The following EPHA6 variants were observed in gnomAD, a reference collection of about 807,000 sequenced individuals.
The protein encoded by EPHA6 is EPH receptor A6, also known as ephrin type-A receptor 6.
EPHA6 carries 50 observed loss-of-function variants against 112.0 expected under a neutral mutation model. The observed-to-expected ratio is 0.45, with a 90% CI of 0.36 to 0.56. The LOEUF (loss-of-function observed/expected upper bound fraction) is 0.56. Among genes scored for constraint, EPHA6 ranks in the 20% least tolerant of loss-of-function variants. EPHA6 has a pLI of 0.00. For missense variants in EPHA6, 1,280 were observed against 1,417.4 expected (o/e 0.90, Z 1.56); for synonymous variants, 529 against 490.7 (o/e 1.08, Z -1.03).
rs148531916 is a variant in EPHA6, at chr3:97,320,261, G to A, written c.1606+75974G>A. Among the ~76,000 whole-genome samples the A allele has an allele frequency of 2.4e-3, 358 of 151,908 alleles. 6 individuals are homozygous for A. The highest frequency in any genetic ancestry group is 8.2e-3 in the African/African-American group (339 of 41,374). Reference sequence around the variant, plus strand: ...AGGCTAAGACTGGGATATTGTTAAGGTTTTCTACCTTCCATGACATCCTGC... The same window carrying A: ...AGGCTAAGACTGGGATATTGTTAAGATTTTCTACCTTCCATGACATCCTGC... On this transcript the variant is annotated intron_variant, in intron 5 of 17. Transcript: ENST00000389672.
At chr3:97,443,770 A>G (rs2090225132) in intron 6 of EPHA6, among the ~76,000 whole-genome samples, 1 of 152,152 alleles carries the variant, frequency 6.6e-6, no homozygotes, top group Non-Finnish European at 1.5e-5. Context: ...GTTCATATAA[A>G]CATAGTCTAA....
rs554632623 is a variant in EPHA6, at chr3:97,212,389, G to A, written c.1115-13875G>A. ...ATTTAAAGGGTGATCAATATTTATA[G>A]AAACAACATAGTAGCTTCTATGTTG... On this transcript the variant is annotated intron_variant, in intron 3 of 17. Transcript: ENST00000389672. Among the ~76,000 whole-genome samples, 7 of 152,252 alleles carry A rather than the reference G, an allele frequency of 4.6e-5. No homozygotes were observed. In the East Asian group the frequency reaches 1.2e-3, roughly 25 times the overall value.
chr3:96,873,360 T>C (rs1340557298), intron 2 of EPHA6, among the ~76,000 whole-genome samples: 1 of 152,118 alleles, frequency 6.6e-6, no homozygotes, highest in African/African-American at 2.4e-5. Flanking sequence ...GAGTTGTTCA[T>C]TTTTCAGTTT....
At chr3:97,602,850 T>G (rs1291554850) in intron 12 of EPHA6, among the ~76,000 whole-genome samples, 1 of 152,026 alleles carries the variant, frequency 6.6e-6, no homozygotes, top group East Asian at 1.9e-4. Context: ...TTATTTGACA[T>G]GTAATTTAAT....
intron 3 of EPHA6, among the ~76,000 whole-genome samples, chr3:97,198,044 A>C (rs1421039088): frequency 6.6e-6 from 1 of 152,082 alleles, no homozygotes; most frequent in Non-Finnish European, 1.5e-5. Context: ...GCCCCCTGCC[A>C]GGAAATGGGA....
At chr3:97,592,142 T>C (rs545521627) in intron 11 of EPHA6, among the ~76,000 whole-genome samples, 38 of 152,202 alleles carry the variant, frequency 2.5e-4, no homozygotes, top group Admixed American at 1.2e-3. Context: ...ATGTAATTAC[T>C]GCATGATGTA....
intron 1 of EPHA6, among the ~76,000 whole-genome samples, chr3:96,839,024 G>C (rs891764863): frequency 5.9e-5 from 9 of 152,174 alleles, no homozygotes; most frequent in African/African-American, 2.2e-4. Context: ...ACATTAGTCT[G>C]TATCTTTATG....
intron 2 of EPHA6, among the ~76,000 whole-genome samples, chr3:96,873,588 A>C (rs1490955101): frequency 6.6e-6 from 1 of 152,144 alleles, no homozygotes; most frequent in Non-Finnish European, 1.5e-5. Flanking sequence ...CTTTGTATCA[A>C]TCACTATCTG....
At chr3:96,999,831 C>T (rs1435267263) in intron 3 of EPHA6, among the ~76,000 whole-genome samples, 3 of 151,820 alleles carry the variant, frequency 2.0e-5, no homozygotes, top group Non-Finnish European at 2.9e-5. Flanking sequence ...CAGAAATGGT[C>T]ATGGATGACA....
intron 1 of EPHA6, among the ~76,000 whole-genome samples, chr3:96,866,541 G>A (rs2036323731): frequency 6.6e-6 from 1 of 151,688 alleles, no homozygotes; most frequent in Admixed American, 6.6e-5. Context: ...TTAAACATCT[G>A]CTATTAAAAA....
At chr3:97,543,864 A>C (rs1163538065) in intron 11 of EPHA6, among the ~76,000 whole-genome samples, 5 of 152,032 alleles carry the variant, frequency 3.3e-5, no homozygotes, top group Non-Finnish European at 7.4e-5. Context: ...GCAATTGTGA[A>C]TGGGAGTTCA....
At chr3:97,042,069 T>A (rs1350167603) in intron 3 of EPHA6, among the ~76,000 whole-genome samples, 1 of 152,128 alleles carries the variant, frequency 6.6e-6, no homozygotes, top group African/African-American at 2.4e-5. Flanking sequence ...CTGGATCCCA[T>A]TCCTGAGGTA....
At chr3:96,934,667 C>T (rs1221708465) in intron 2 of EPHA6, among the ~76,000 whole-genome samples, 2 of 150,900 alleles carry the variant, frequency 1.3e-5, no homozygotes, top group East Asian at 2.0e-4. Context: ...ATATTGTTTA[C>T]ATTATTTACA....
chr3:97,414,740 A>G (rs1461567393), intron 6 of EPHA6, among the ~76,000 whole-genome samples: 1 of 152,060 alleles, frequency 6.6e-6, no homozygotes, highest in African/African-American at 2.4e-5. Context: ...AGCCCCTTGC[A>G]ACAGCCATTA....
chr3:97,597,812 T>C (rs1329090064), intron 12 of EPHA6, among the ~76,000 whole-genome samples: 1 of 152,264 alleles, frequency 6.6e-6, no homozygotes, highest in Non-Finnish European at 1.5e-5. Context: ...AAATGGAATG[T>C]AAGTAAGCCA....
At chr3:97,379,647 G>A (rs750134678) in intron 5 of EPHA6, among the ~76,000 whole-genome samples, 10 of 149,848 alleles carry the variant, frequency 6.7e-5, no homozygotes, top group South Asian at 2.1e-4. Context: ...TACTTGAGAG[G>A]CTGAGACAGG....
At chr3:97,140,935 A>G (rs1392760022) in intron 3 of EPHA6, among the ~76,000 whole-genome samples, 1 of 152,126 alleles carries the variant, frequency 6.6e-6, no homozygotes, top group Non-Finnish European at 1.5e-5. Flanking sequence ...CAGGAGATCT[A>G]CCTAACAAGT....
chr3:97,461,041 C>T (rs1186620179), intron 7 of EPHA6, among the ~76,000 whole-genome samples: 3 of 152,116 alleles, frequency 2.0e-5, no homozygotes, highest in African/African-American at 7.2e-5. Flanking sequence ...CAGTATCTGA[C>T]ACAAGTAACA....
At chr3:97,418,920 G>A (rs17276447) in intron 6 of EPHA6, among the ~76,000 whole-genome samples, 4,139 of 152,242 alleles carry the variant, frequency 0.027, 138 homozygotes, top group African/African-American at 0.086. Flanking sequence ...GTGGCATCCA[G>A]TATATGCAGG....
Sources: allele counts gnomAD v4.1 joint callset (sites outside exome capture counted in the v4.1 genomes callset), GRCh38; gene constraint gnomAD v4.1.1; transcripts MANE v1.5; gene names NCBI Gene and HGNC (gene_info 2026-07-23, HGNC 2026-07-21).